MICAL3: variants seen among roughly 807,000 people sequenced by gnomAD.
MICAL3 encodes [F-actin]-monooxygenase MICAL3.
In MICAL3, 62 loss-of-function variants were observed where a neutral mutation model predicts 207.4. That is an observed-to-expected ratio of 0.30 (90% CI 0.24 to 0.37). The LOEUF (loss-of-function observed/expected upper bound fraction) is 0.37, where lower values mean the gene tolerates loss of function less well. Among genes scored for constraint, MICAL3 ranks in the 10% least tolerant of loss-of-function variants. The pLI is 1.00. For missense variants in MICAL3, 2,368 were observed against 2,635.6 expected (o/e 0.90, Z 2.22); for synonymous variants, 1,077 against 1,069.3 (o/e 1.01, Z -0.14).
At chr22:18,021,561 G>C (rs1003693457) in intron 1 of MICAL3, among the ~76,000 whole-genome samples, 1 of 152,240 alleles carries the variant, frequency 6.6e-6, no homozygotes, top group Admixed American at 6.5e-5. Flanking sequence ...GCATGGCTAT[G>C]CACAGACTAG....
At chr22:18,023,655 G>A (rs568473847) in intron 1 of MICAL3, among the ~76,000 whole-genome samples, 1 of 152,220 alleles carries the variant, frequency 6.6e-6, no homozygotes, top group African/African-American at 2.4e-5. Flanking sequence ...GAACTTGGCC[G>A]TCCTTTTGTT....
rs930275630 is a variant in MICAL3 at position 17,889,088 on chromosome 22, C to T, written c.1837G>A (p.Val613Met). The T allele has an allele frequency of 6.2e-7, 1 of 1,613,738 alleles. No homozygotes were observed. The highest frequency in any genetic ancestry group is 8.5e-7 in the Non-Finnish European group (1 of 1,179,716). Reference protein sequence around the residue: ...SVGEPDKLSMVMYLTQFYEMF... With the variant: ...SVGEPDKLSMMMYLTQFYEMF... ...TCGTAGAACTGAGTCAGGTACATCA[C>T]CATGGACAGCTTATCAGGCTCCCCC... is the stretch of plus-strand genomic sequence containing the variant. The change falls in exon 13 of 32, where the codon GTG becomes ATG. Residue 613 changes from valine (V) to methionine (M), a missense_variant. Transcript: ENST00000441493.
intron 20 of MICAL3, chr22:17,834,237 T>C (rs960795228): frequency 9.2e-7 from 1 of 1,091,938 alleles, no homozygotes; most frequent in Non-Finnish European, 1.1e-6. Flanking sequence ...CATTCATTCA[T>C]TCACTCGGTG....
chr22:17,981,676 A>G (rs1935914768), intron 1 of MICAL3, among the ~76,000 whole-genome samples: 1 of 152,244 alleles, frequency 6.6e-6, no homozygotes, highest in Non-Finnish European at 1.5e-5. Flanking sequence ...GCGCATGCAC[A>G]GCACTACCTG....
intron 20 of MICAL3, among the ~76,000 whole-genome samples, chr22:17,836,168 A>C (rs1268008077): frequency 1.3e-5 from 2 of 152,202 alleles, no homozygotes; most frequent in African/African-American, 4.8e-5. Flanking sequence ...CATGCACTTG[A>C]TTCTAAACAG....
At position 18,024,371 on chromosome 22, in the gene MICAL3, G is replaced by C. The variant is rs1055936212; in HGVS notation, c.-165C>G. The C allele has an allele frequency of 2.0e-5, 3 of 152,258 alleles. No individual in the cohort carries two copies. The highest frequency in any genetic ancestry group is 7.2e-5 in the African/African-American group (3 of 41,464). 9.4% of individuals were successfully genotyped at this position (152,258 alleles called of 1,614,324 possible). A position where few individuals can be genotyped will look rare whatever the true frequency, so the allele number is the denominator to read the frequency against. ...GTGCCCGCAGGGCACAGGTGCCGCC[G>C]TGGCTGCTCGCACAACCCCTGCAGC... On this transcript the variant is annotated 5_prime_UTR_variant, in exon 1 of 32. Transcript: ENST00000441493.
At chr22:17,921,355 A>G (rs1401291834) in intron 1 of MICAL3, among the ~76,000 whole-genome samples, 3 of 152,226 alleles carry the variant, frequency 2.0e-5, no homozygotes, top group Non-Finnish European at 4.4e-5. Context: ...TCTTCGGAGA[A>G]AGGCATAGAA....
In MICAL3 at chr22:17,816,714, C is replaced by A; in HGVS notation, c.5421G>T (p.Lys1807Asn). 6.4e-7 allele frequency: 1 copy of A among 1,553,304 alleles called. No homozygotes were observed. The highest frequency in any genetic ancestry group is 1.7e-4 in the Middle Eastern group (1 of 5,994). Residue 1807 changes from lysine (K) to asparagine (N), a missense_variant, in exon 27 of 32, where the codon AAG becomes AAT. Lys to Asn is a moderately conservative substitution (Grantham distance 94, BLOSUM62 0). Around this residue, in one of 4 missense-constraint regions of MICAL3, gnomAD observed 1,770 missense variants for 1,863.2 expected, o/e 0.95. Coordinates refer to ENST00000441493, the MANE Select transcript of MICAL3 (RefSeq NM_015241.3). ...CCTCTCGCCGGGACTTCTGTGAGGA[C>A]TTCTCAAGGACATCGTCGCTGGAGA... ...SDLSSDDVLE[K>N]SSQKSRREPR...
chr22:17,949,762 A>G (rs566939087), intron 1 of MICAL3, among the ~76,000 whole-genome samples: 2 of 152,246 alleles, frequency 1.3e-5, no homozygotes, highest in Non-Finnish European at 2.9e-5. Context: ...AAAGCAGAGG[A>G]CGAAACAGCC....
chr22:17,882,728 C>T (rs993544396), intron 16 of MICAL3, among the ~76,000 whole-genome samples: 3 of 152,228 alleles, frequency 2.0e-5, no homozygotes, highest in African/African-American at 7.2e-5. Flanking sequence ...TAACGGGGTT[C>T]TCACCGCTAA....
At position 17,886,015 on chromosome 22, in the gene MICAL3, T is replaced by A. The variant is rs769398685; in HGVS notation, c.2104A>T (p.Thr702Ser). Reference protein sequence around the residue: ...APRGHRGERPTLVSTLTDRRM... With the variant: ...APRGHRGERPSLVSTLTDRRM... ...CTGTCTGTCAGAGTGCTCACCAGGG[T>A]CGGTCTTTCTCCTCTGTGGCCCCGA... The change falls in exon 16 of 32, where the codon ACC becomes TCC. Residue 702 changes from threonine (T) to serine (S), a missense_variant. By Grantham distance (58) the Thr-to-Ser change is moderately conservative (BLOSUM62 1). This residue lies in a region of MICAL3 where 1,770 missense variants were observed against 1,863.2 expected (regional missense o/e 0.95). Transcript: ENST00000441493. The A allele has an allele frequency of 6.2e-7, 1 of 1,613,950 alleles. No individual in the cohort carries two copies.
chr22:17,872,514 T>C (rs1385519721), intron 16 of MICAL3, among the ~76,000 whole-genome samples: 3 of 152,052 alleles, frequency 2.0e-5, no homozygotes, highest in Non-Finnish European at 2.9e-5. Flanking sequence ...TGAGGGTAGC[T>C]GTATCTGTAT....
At chr22:18,015,146 A>G (rs532649498) in intron 1 of MICAL3, among the ~76,000 whole-genome samples, 2 of 152,320 alleles carry the variant, frequency 1.3e-5, no homozygotes, top group African/African-American at 4.8e-5. Context: ...TACCTGCCGT[A>G]AGCAAGGACT....
chr22:17,978,772 G>A (rs1569155122), intron 1 of MICAL3, among the ~76,000 whole-genome samples: 1 of 151,904 alleles, frequency 6.6e-6, no homozygotes, highest in East Asian at 2.0e-4. Flanking sequence ...GCCCGCCTCG[G>A]CCTCCCAAAG....
chr22:17,844,865 T>C (rs1924467521), intron 19 of MICAL3, among the ~76,000 whole-genome samples: 1 of 152,160 alleles, frequency 6.6e-6, no homozygotes, highest in African/African-American at 2.4e-5. Flanking sequence ...TCCTGATAGA[T>C]CCGGCCTCAA....
At chr22:17,850,727 T>C (rs1602052796) in intron 19 of MICAL3, among the ~76,000 whole-genome samples, 3 of 152,136 alleles carry the variant, frequency 2.0e-5, no homozygotes, top group South Asian at 4.1e-4. Flanking sequence ...AGTTTTTTAC[T>C]GTCAGGTTAT....
At chr22:18,017,613 T>A (rs957712217) in intron 1 of MICAL3, among the ~76,000 whole-genome samples, 2 of 151,562 alleles carry the variant, frequency 1.3e-5, no homozygotes, top group Non-Finnish European at 2.9e-5. Flanking sequence ...TGAGACAGAG[T>A]GTCACTCTGT....
At chr22:18,007,091 G>A (rs1046622951) in intron 1 of MICAL3, 2 of 152,146 alleles carry the variant, frequency 1.3e-5, no homozygotes, top group African/African-American at 2.4e-5. Flanking sequence ...CCTGACCTCA[G>A]GTGAACTGCC....
At position 17,871,822 on chromosome 22, in the gene MICAL3, C is replaced by T. The variant is rs1207567628; in HGVS notation, c.2428+15G>A. 7 of 1,588,638 alleles carry T rather than the reference C, an allele frequency of 4.4e-6. No homozygotes were observed. Among genetic ancestry groups the T allele is most frequent in the South Asian group, 2.3e-5 (2 of 86,814 alleles). ...CACAGTTTCTCAGTGGGGCCGGAGG[C>T]GCAGGGTGTCTCACCATCCTCGATG... On this transcript the variant is annotated intron_variant, in intron 17 of 31. Coordinates refer to ENST00000441493, the MANE Select transcript of MICAL3 (RefSeq NM_015241.3).
Sources: gnomAD v4.1 joint callset for allele counts (sites outside exome capture counted in the v4.1 genomes callset) on GRCh38, gnomAD v4.1.1 for gene constraint, gnomAD v4.1.1 regional missense constraint, MANE v1.5 for transcripts, NCBI Gene and HGNC (gene_info 2026-07-23, HGNC 2026-07-21) for gene names.